The following PIGU variants were observed in gnomAD, a reference collection of about 807,000 sequenced individuals.
The protein encoded by PIGU is GPI-anchor transamidase component PIGU.
In PIGU, 24 loss-of-function variants were observed where a neutral mutation model predicts 49.9. The observed-to-expected ratio is 0.48, with a 90% confidence interval of 0.35 to 0.68. The LOEUF (loss-of-function observed/expected upper bound fraction) is 0.68. PIGU is among the 30% of genes least tolerant of loss of function. PIGU has a pLI of 0.01. For missense variants in PIGU, 490 were observed against 532.6 expected (o/e 0.92, Z 0.79); for synonymous variants, 220 against 205.7 (o/e 1.07, Z -0.59).
At chr20:34,648,639 C>T (rs1986430738) in intron 2 of PIGU, among the ~76,000 whole-genome samples, 1 of 152,008 alleles carries the variant, frequency 6.6e-6, no homozygotes, top group African/African-American at 2.4e-5. Flanking sequence ...GCCTTGACCT[C>T]CCAGACTCAG....
intron 1 of PIGU, among the ~76,000 whole-genome samples, chr20:34,666,748 G>A (rs1056613721): frequency 2.8e-5 from 4 of 142,412 alleles, no homozygotes; most frequent in Non-Finnish European, 4.5e-5. Flanking sequence ...CCAGGCTGGA[G>A]TGCAGTGGCG....
At chr20:34,631,281 G>A (rs559010924) in intron 6 of PIGU, among the ~76,000 whole-genome samples, 3 of 152,162 alleles carry the variant, frequency 2.0e-5, no homozygotes, top group East Asian at 3.9e-4. Context: ...AAGTAAAAAT[G>A]ATGGGAAAAA....
chr20:34,658,929 C>T (rs1163942485), intron 1 of PIGU, among the ~76,000 whole-genome samples: 1 of 151,094 alleles, frequency 6.6e-6, no homozygotes, highest in Non-Finnish European at 1.5e-5. Flanking sequence ...AGGCCAGCCG[C>T]CCCGTCCGGG....
chr20:34,580,418 T>C (rs1983408700), intron 10 of PIGU, among the ~76,000 whole-genome samples: 1 of 152,106 alleles, frequency 6.6e-6, no homozygotes, highest in African/African-American at 2.4e-5. Flanking sequence ...CCCACACCAC[T>C]GTTTACCTTC....
At chr20:34,667,749 G>A (rs992271857) in intron 1 of PIGU, among the ~76,000 whole-genome samples, 6 of 152,168 alleles carry the variant, frequency 3.9e-5, no homozygotes, top group Non-Finnish European at 5.9e-5. Context: ...GACTGTTACA[G>A]GCAAGATTAA....
At chr20:34,568,714 C>G (rs1327068005) in intron 11 of PIGU, among the ~76,000 whole-genome samples, 1 of 152,184 alleles carries the variant, frequency 6.6e-6, no homozygotes, top group Non-Finnish European at 1.5e-5. Context: ...GAGTCCCAGG[C>G]AGGGGACAGG....
At chr20:34,597,459 C>T (rs941785245) in intron 7 of PIGU, among the ~76,000 whole-genome samples, 2 of 152,156 alleles carry the variant, frequency 1.3e-5, no homozygotes, top group African/African-American at 4.8e-5. Context: ...ACAGTTGTGT[C>T]TGAGGAAATA....
At chr20:34,592,517 G>A (rs1236207348) in intron 7 of PIGU, among the ~76,000 whole-genome samples, 2 of 151,132 alleles carry the variant, frequency 1.3e-5, no homozygotes, top group African/African-American at 4.9e-5. Flanking sequence ...GTATCAGGGA[G>A]GAGAAAATAT....
chr20:34,579,543 C>T (rs1983374758), intron 10 of PIGU: 1 of 152,200 alleles, frequency 6.6e-6, no homozygotes, highest in African/African-American at 2.4e-5. Flanking sequence ...GTCCTAAGGA[C>T]CAGGGCTGAT....
intron 2 of PIGU, among the ~76,000 whole-genome samples, chr20:34,647,241 G>A (rs1986377826): frequency 6.6e-6 from 1 of 151,596 alleles, no homozygotes; most frequent in African/African-American, 2.4e-5. Context: ...AAAGTGCTGA[G>A]ATTACAAGTG....
intron 7 of PIGU, among the ~76,000 whole-genome samples, chr20:34,601,031 T>C (rs1013479599): frequency 2.2e-5 from 3 of 136,266 alleles, no homozygotes; most frequent in African/African-American, 8.2e-5. Context: ...CGAAACTCTG[T>C]CTCAAAAAAG....
intron 6 of PIGU, among the ~76,000 whole-genome samples, chr20:34,632,372 CTTT>C (rs200696090): frequency 1.4e-5 from 2 of 143,948 alleles, no homozygotes; most frequent in African/African-American, 2.5e-5. Context: ...CTCATATACC[CTTT>C]TTTTTTTTTT....
intron 7 of PIGU, among the ~76,000 whole-genome samples, chr20:34,592,263 C>T (rs1386831889): frequency 1.3e-5 from 2 of 148,630 alleles, no homozygotes; most frequent in South Asian, 2.1e-4. Flanking sequence ...AAGCTAAACA[C>T]CCATTTTAAG....
At position 34,676,063 on chromosome 20, in the gene PIGU, C is replaced by T. The variant is rs1987489888; in HGVS notation, c.130+893G>A. 2.8e-5 allele frequency among the ~76,000 whole-genome samples: 4 copies of T among 144,192 alleles called. 1 individual carries two copies. The highest frequency in any genetic ancestry group is 3.0e-5 in the Non-Finnish European group (2 of 66,376). 94.6% of individuals were successfully genotyped at this position (144,192 alleles called of 152,430 possible). ...AAAAAGTTGTTTGTTTTTTTTTAAT[C>T]ATCAAACTCTGGCCTAAACCTAGCT... is the stretch of plus-strand genomic sequence containing the variant. On this transcript the variant is annotated intron_variant, in intron 1 of 11. Coordinates refer to ENST00000217446, the MANE Select transcript of PIGU (RefSeq NM_080476.5).
chr20:34,578,063 G>A (rs1983311354), intron 10 of PIGU, among the ~76,000 whole-genome samples: 1 of 152,154 alleles, frequency 6.6e-6, no homozygotes, highest in Admixed American at 6.5e-5. Context: ...TTTATAACAT[G>A]GGGAAGAATG....
At chr20:34,665,289 C>T (rs1987054599) in intron 1 of PIGU, among the ~76,000 whole-genome samples, 1 of 144,728 alleles carries the variant, frequency 6.9e-6, no homozygotes, top group Non-Finnish European at 1.5e-5. Context: ...CTGCAAGCTC[C>T]GCCTCCCGGG....
Position 34,560,834 on chromosome 20 carries a change from C to T in PIGU, c.*32G>A, listed in dbSNP as rs775126642. The T allele has an allele frequency of 1.3e-6, 2 of 1,493,576 alleles. No individual in the cohort carries two copies. The highest frequency in any genetic ancestry group is 2.4e-5 in the South Asian group (2 of 82,702). The allele number at this position is 1,493,576 out of a possible 1,614,324, so 92.5% of individuals were successfully genotyped here. On this transcript the variant is annotated 3_prime_UTR_variant, in exon 12 of 12. Transcript: ENST00000217446. ...GCCCAGCTTCTGGCCCCACAGCCCC[C>T]TGAGGTCCATGCAGCCCTGTGCCAG...
chr20:34,664,193 C>T (rs1354944804), intron 1 of PIGU, among the ~76,000 whole-genome samples: 2 of 152,060 alleles, frequency 1.3e-5, no homozygotes, highest in African/African-American at 2.4e-5. Flanking sequence ...CTCTGTTGCC[C>T]GGGCCGGAGT....
At chr20:34,648,367 G>A (rs754352129) in intron 2 of PIGU, among the ~76,000 whole-genome samples, 10 of 151,764 alleles carry the variant, frequency 6.6e-5, no homozygotes, top group Non-Finnish European at 1.2e-4. Flanking sequence ...TCTGGGTGCA[G>A]TGATCTTTTT....
Sources: gnomAD v4.1 joint callset for allele counts (sites outside exome capture counted in the v4.1 genomes callset) on GRCh38, gnomAD v4.1.1 for gene constraint, MANE v1.5 for transcripts, NCBI Gene and HGNC (gene_info 2026-07-23, HGNC 2026-07-21) for gene names.